Variants in ANO3 observed in about 807,000 individuals in gnomAD.
ANO3 encodes anoctamin-3.
ANO3 carries 99 observed loss-of-function variants against 144.8 expected under a neutral mutation model. That is an observed-to-expected ratio of 0.68 (90% confidence interval 0.58 to 0.81). The LOEUF (loss-of-function observed/expected upper bound fraction) is 0.81, where lower values mean the gene tolerates loss of function less well. Among genes scored for constraint, ANO3 ranks in the 30% least tolerant of loss-of-function variants. The pLI, the probability that ANO3 is intolerant of heterozygous loss-of-function variation, is 0.00. For synonymous variants in ANO3, 414 were observed against 392.6 expected, an observed-to-expected ratio of 1.05 and a Z score of -0.64; for missense variants, 905 against 1,202.2, an observed-to-expected ratio of 0.75 and a Z score of 3.66.
intron 1 of ANO3, among the ~76,000 whole-genome samples, chr11:26,246,266 C>T (rs1254266699): frequency 6.6e-6 from 1 of 151,966 alleles, no homozygotes; most frequent in Admixed American, 6.6e-5. Flanking sequence ...TTAACCAGTA[C>T]ATATTACGGA....
intron 1 of ANO3, among the ~76,000 whole-genome samples, chr11:26,432,246 T>A (rs906632671): frequency 1.3e-5 from 2 of 152,172 alleles, no homozygotes; most frequent in African/African-American, 4.8e-5. Flanking sequence ...GCCCAGTTTT[T>A]AATGGGGGTA....
chr11:26,249,227 T>C (rs1852870229), intron 1 of ANO3, among the ~76,000 whole-genome samples: 1 of 152,220 alleles, frequency 6.6e-6, no homozygotes, highest in Non-Finnish European at 1.5e-5. Flanking sequence ...CCGCTTAATG[T>C]AGACATCCTT....
chr11:26,488,466 C>A (rs2087972), intron 4 of ANO3, among the ~76,000 whole-genome samples: 87,533 of 151,900 alleles, frequency 0.58, 25,772 homozygotes, highest in East Asian at 0.68. Context: ...AAGCCGGGGA[C>A]CCTTGTGGTG....
chr11:26,420,353 T>C (rs966278061), intron 1 of ANO3, among the ~76,000 whole-genome samples: 1 of 152,110 alleles, frequency 6.6e-6, no homozygotes, highest in African/African-American at 2.4e-5. Flanking sequence ...GTTATATACC[T>C]GTATATTTGT....
chr11:26,280,759 T>G (rs2133844124), intron 1 of ANO3, among the ~76,000 whole-genome samples: 1 of 152,304 alleles, frequency 6.6e-6, no homozygotes, highest in South Asian at 2.1e-4. Flanking sequence ...AAGCATGAAT[T>G]TGTTCTAAAA....
Position 26,443,841 on chromosome 11 carries a change from G to A in ANO3, c.313+5G>A, listed in dbSNP as rs758369030. 6 of 1,605,622 alleles carry A rather than the reference G, an allele frequency of 3.7e-6. No individual in the cohort carries two copies. Among genetic ancestry groups the A allele is most frequent in the Non-Finnish European group, 4.3e-6 (5 of 1,173,606 alleles). ...ACCTCAGCGATTTTTGTTTGGGTAAGTTGATAATCAGTATTTACCTACTCC... is the reference window on the plus strand; with the variant it reads ...ACCTCAGCGATTTTTGTTTGGGTAAATTGATAATCAGTATTTACCTACTCC... On this transcript the variant is annotated splice_donor_5th_base_variant and intron_variant, in intron 3 of 26. Coordinates refer to ENST00000256737, the MANE Select transcript of ANO3 (RefSeq NM_031418.4).
intron 6 of ANO3, among the ~76,000 whole-genome samples, chr11:26,520,634 C>T (rs1247842646): frequency 1.3e-5 from 2 of 152,024 alleles, no homozygotes; most frequent in African/African-American, 4.8e-5. Flanking sequence ...AAATTTGTTT[C>T]TGAACTTCTG....
At chr11:26,222,957 T>C (rs1852178802) in intron 1 of ANO3, among the ~76,000 whole-genome samples, 1 of 152,176 alleles carries the variant, frequency 6.6e-6, no homozygotes, top group African/African-American at 2.4e-5. Context: ...TTATCTTTGA[T>C]ATTAGCTGTC....
chr11:26,417,153 G>A (rs188987843), intron 1 of ANO3, among the ~76,000 whole-genome samples: 1 of 152,180 alleles, frequency 6.6e-6, no homozygotes, highest in East Asian at 1.9e-4. Context: ...CCAATGATAT[G>A]TTATCTAAAG....
intron 20 of ANO3, among the ~76,000 whole-genome samples, chr11:26,635,392 T>C (rs996336593): frequency 6.6e-6 from 1 of 152,164 alleles, no homozygotes; most frequent in Non-Finnish European, 1.5e-5. Context: ...CTTTTAAATA[T>C]GTTAGGTTTC....
intron 1 of ANO3, among the ~76,000 whole-genome samples, chr11:26,321,200 A>G (rs973125650): frequency 1.3e-5 from 2 of 151,976 alleles, no homozygotes; most frequent in Non-Finnish European, 2.9e-5. Context: ...CTCCTACTTG[A>G]TCCCTCCCCA....
At chr11:26,213,531 G>T (rs961882003) in intron 1 of ANO3, among the ~76,000 whole-genome samples, 5 of 152,128 alleles carry the variant, frequency 3.3e-5, no homozygotes, top group Non-Finnish European at 7.4e-5. Context: ...ATTCACAATT[G>T]CTACAAGAGA....
At chr11:26,646,149 A>G (rs1853338545) in intron 23 of ANO3, among the ~76,000 whole-genome samples, 1 of 152,170 alleles carries the variant, frequency 6.6e-6, no homozygotes, top group Non-Finnish European at 1.5e-5. Flanking sequence ...TACAAAAAAT[A>G]TATTTGTACA....
In ANO3 at chr11:26,656,145, A is replaced by G; in HGVS notation, c.2597A>G (p.Asn866Ser). Residue 866 changes from asparagine (N) to serine (S), a missense_variant, in exon 25 of 27, where the codon AAC (asparagine) becomes AGC (serine). Around this residue, in one of 4 missense-constraint regions of ANO3, gnomAD observed 597 missense variants for 865.1 expected, o/e 0.69. Coordinates refer to ENST00000256737, the MANE Select transcript of ANO3 (RefSeq NM_031418.4). The part of the protein sequence containing the change: ...PSENCLKGYV[N>S]NSLSFFDLSE... Reference sequence around the variant, plus strand: ...CCCAGTTGCTTGAAGGGATATGTCAACAATAGCCTATCCTTCTTTGACCTG... The same window carrying G: ...CCCAGTTGCTTGAAGGGATATGTCAGCAATAGCCTATCCTTCTTTGACCTG... 1 of 1,613,564 alleles carries G rather than the reference A, an allele frequency of 6.2e-7. No individual in the cohort carries two copies. Among genetic ancestry groups the G allele is most frequent in the Non-Finnish European group, 8.5e-7 (1 of 1,179,544 alleles).
intron 1 of ANO3, among the ~76,000 whole-genome samples, chr11:26,410,332 C>T (rs887393975): frequency 5.9e-5 from 9 of 151,832 alleles, no homozygotes; most frequent in African/African-American, 1.9e-4. Flanking sequence ...GGATGCATGC[C>T]TGTATTTGAA....
chr11:26,461,567 T>C (rs139176870), intron 3 of ANO3, among the ~76,000 whole-genome samples: 1 of 152,106 alleles, frequency 6.6e-6, no homozygotes, highest in South Asian at 2.1e-4. Context: ...GAAGGCAGAA[T>C]TGTGTTTGCC....
intron 4 of ANO3, among the ~76,000 whole-genome samples, chr11:26,488,775 C>T (rs1267584772): frequency 3.3e-5 from 5 of 152,110 alleles, no homozygotes; most frequent in Non-Finnish European, 7.4e-5. Context: ...CAACATTTAT[C>T]ATGAAGAGCA....
intron 1 of ANO3, among the ~76,000 whole-genome samples, chr11:26,414,171 C>T (rs898121400): frequency 1.3e-5 from 2 of 151,982 alleles, no homozygotes; most frequent in African/African-American, 2.4e-5. Flanking sequence ...CCATTGTGGA[C>T]GATGGTGTGG....
At chr11:26,528,058 G>A (rs1849210083) in intron 7 of ANO3, among the ~76,000 whole-genome samples, 1 of 152,062 alleles carries the variant, frequency 6.6e-6, no homozygotes, top group African/African-American at 2.4e-5. Context: ...TTTGCATTGT[G>A]CTGTGATATC....
Sources: allele counts gnomAD v4.1 joint callset (sites outside exome capture counted in the v4.1 genomes callset), GRCh38; gene constraint gnomAD v4.1.1; regional missense constraint gnomAD v4.1.1; transcripts MANE v1.5; gene names NCBI Gene and HGNC (gene_info 2026-07-23, HGNC 2026-07-21).